The following SLC9A9 variants were observed in gnomAD, a reference collection of about 807,000 sequenced individuals.
SLC9A9 encodes sodium/hydrogen exchanger 9.
Under a neutral mutation model 77.8 loss-of-function variants are expected in SLC9A9, and 62 were observed. The ratio of observed to expected loss-of-function variants is 0.80; its 90% CI spans 0.65 to 0.98. SLC9A9 has a LOEUF of 0.98. Among genes scored for constraint, SLC9A9 ranks in the 50% least tolerant of loss-of-function variants. The pLI, the probability that SLC9A9 is intolerant of heterozygous loss-of-function variation, is 0.00. For synonymous variants in SLC9A9, 320 were observed against 283.5 expected, an observed-to-expected ratio of 1.13 and a Z score of -1.29; for missense variants, 775 against 774.9, an observed-to-expected ratio of 1.00 and a Z score of 0.00.
At position 143,493,772 on chromosome 3, in the gene SLC9A9, T is replaced by C. The variant is rs2035788608; in HGVS notation, c.1204-8A>G. 6.3e-7 allele frequency: 1 copy of C among 1,583,370 alleles called. No individual in the cohort carries two copies. Among genetic ancestry groups the C allele is most frequent in the South Asian group, 1.1e-5 (1 of 90,462 alleles). ...GGCAACAAAAATTGCTAGCTGTAGATAAGCACAGGGAAACATTGAGGAAAG... is the reference window on the plus strand; with the variant it reads ...GGCAACAAAAATTGCTAGCTGTAGACAAGCACAGGGAAACATTGAGGAAAG... On this transcript the variant is annotated splice_region_variant and splice_polypyrimidine_tract_variant and intron_variant, in intron 10 of 15. Transcript: ENST00000316549.
intron 12 of SLC9A9, among the ~76,000 whole-genome samples, chr3:143,397,940 A>G (rs969267023): frequency 9.2e-5 from 14 of 152,246 alleles, no homozygotes; most frequent in Non-Finnish European, 1.3e-4. Flanking sequence ...GCAATAATCC[A>G]GAAGAACATT....
At chr3:143,336,370 T>C (rs1242618732) in intron 14 of SLC9A9, among the ~76,000 whole-genome samples, 2 of 152,108 alleles carry the variant, frequency 1.3e-5, no homozygotes. Context: ...CCATATGATT[T>C]AGCAATCCCA....
intron 12 of SLC9A9, among the ~76,000 whole-genome samples, chr3:143,389,488 T>C (rs552302017): frequency 2.4e-4 from 36 of 152,318 alleles, no homozygotes; most frequent in African/African-American, 8.4e-4. Context: ...GACACTTGAA[T>C]GGTTTGCCCT....
chr3:143,538,093 G>A (rs1254854427), intron 9 of SLC9A9, among the ~76,000 whole-genome samples: 1 of 152,172 alleles, frequency 6.6e-6, no homozygotes, highest in Non-Finnish European at 1.5e-5. Context: ...AGAACATAGG[G>A]AATATCCTTA....
chr3:143,786,168 C>T (rs1347807941), intron 4 of SLC9A9, among the ~76,000 whole-genome samples: 1 of 152,128 alleles, frequency 6.6e-6, no homozygotes, highest in East Asian at 1.9e-4. Flanking sequence ...TTGAATTTTT[C>T]ATTTAAAAGG....
At chr3:143,325,131 A>G (rs1414980823) in intron 14 of SLC9A9, among the ~76,000 whole-genome samples, 4 of 151,764 alleles carry the variant, frequency 2.6e-5, no homozygotes, top group African/African-American at 9.7e-5. Flanking sequence ...AGTAGTGAGA[A>G]CAGTTCTGAG....
chr3:143,290,557 C>T (rs906202504), intron 14 of SLC9A9, among the ~76,000 whole-genome samples: 7 of 152,140 alleles, frequency 4.6e-5, no homozygotes, highest in East Asian at 1.9e-4. Flanking sequence ...CTCTCTGATA[C>T]GCTGTCAGCC....
At chr3:143,621,033 G>T (rs1380853015) in intron 6 of SLC9A9, among the ~76,000 whole-genome samples, 1 of 152,172 alleles carries the variant, frequency 6.6e-6, no homozygotes. Flanking sequence ...ACAGCAGTCT[G>T]AGATCAAACT....
intron 14 of SLC9A9, among the ~76,000 whole-genome samples, chr3:143,350,280 T>G (rs2032412203): frequency 6.6e-6 from 1 of 152,170 alleles, no homozygotes. Flanking sequence ...TACTTTTCCT[T>G]TCTATTCCCA....
intron 4 of SLC9A9, among the ~76,000 whole-genome samples, chr3:143,781,917 T>A (rs2007895147): frequency 6.6e-6 from 1 of 152,204 alleles, no homozygotes; most frequent in Admixed American, 6.5e-5. Flanking sequence ...TTGACTTCTA[T>A]TCCTTTTATT....
At chr3:143,427,545 G>A (rs1019501354) in intron 12 of SLC9A9, among the ~76,000 whole-genome samples, 3 of 152,150 alleles carry the variant, frequency 2.0e-5, no homozygotes, top group Admixed American at 6.5e-5. Flanking sequence ...TTTTGAACAA[G>A]GACAAGCATT....
intron 5 of SLC9A9, among the ~76,000 whole-genome samples, chr3:143,655,832 C>T (rs562283993): frequency 6.6e-5 from 10 of 152,118 alleles, no homozygotes; most frequent in African/African-American, 2.4e-4. Context: ...GGTCTTTGAG[C>T]GGAATGAGTG....
At chr3:143,338,745 A>G (rs894671872) in intron 14 of SLC9A9, among the ~76,000 whole-genome samples, 66 of 152,138 alleles carry the variant, frequency 4.3e-4, no homozygotes, top group African/African-American at 2.4e-5. Context: ...CCAGGCTTCA[A>G]AAGTATTACC....
chr3:143,425,791 C>T (rs1434747733), intron 12 of SLC9A9, among the ~76,000 whole-genome samples: 2 of 152,090 alleles, frequency 1.3e-5, no homozygotes, highest in Non-Finnish European at 2.9e-5. Flanking sequence ...TTTGACAGTC[C>T]TAAAATGTTA....
At chr3:143,514,212 C>CTTTTTTTTTTTTTTTTTT (rs34218404) in intron 9 of SLC9A9, among the ~76,000 whole-genome samples, 1 of 146,478 alleles carries the variant, frequency 6.8e-6, no homozygotes. Flanking sequence ...TGAAAGGAAC[C>CTTTTTTTTTTTTTTTTTT]TTTTTTTTTT....
At chr3:143,811,903 T>A (rs1050116841) in intron 2 of SLC9A9, 24 of 328,962 alleles carry the variant, frequency 7.3e-5, no homozygotes, top group Middle Eastern at 1.1e-3. Flanking sequence ...AAACAAGAAG[T>A]GTTCACTAGA....
At chr3:143,520,819 C>T (rs1342102525) in intron 9 of SLC9A9, among the ~76,000 whole-genome samples, 1 of 152,104 alleles carries the variant, frequency 6.6e-6, no homozygotes, top group Non-Finnish European at 1.5e-5. Context: ...AATTTGAACT[C>T]CCCACAGGAC....
intron 3 of SLC9A9, among the ~76,000 whole-genome samples, chr3:143,796,349 A>T (rs535669688): frequency 6.6e-6 from 1 of 152,342 alleles, no homozygotes; most frequent in South Asian, 2.1e-4. Context: ...ATGCTGTCCA[A>T]TAGAAATATA....
In SLC9A9 at chr3:143,268,539, C is replaced by G. The variant is rs190732345; in HGVS notation, c.1710+336G>C. ...ACGAGGTCAGGAGATTGAGACCATC[C>G]TGGGTAAAATGGTGAAACCCTGTCT... On this transcript the variant is annotated intron_variant, in intron 15 of 15. Transcript: ENST00000316549. Among the ~76,000 whole-genome samples, 398 of 152,048 alleles carry G rather than the reference C, an allele frequency of 2.6e-3. 1 individual carries two copies. The highest frequency in any genetic ancestry group is 9.4e-3 in the African/African-American group (389 of 41,472).
Sources: gnomAD v4.1 joint callset for allele counts (sites outside exome capture counted in the v4.1 genomes callset) on GRCh38, gnomAD v4.1.1 for gene constraint, MANE v1.5 for transcripts, NCBI Gene and HGNC (gene_info 2026-07-23, HGNC 2026-07-21) for gene names.